Variants in SASH1 observed in about 807,000 individuals in gnomAD.
The protein encoded by SASH1 is SAM and SH3 domain-containing protein 1.
In SASH1, 44 loss-of-function variants were observed where a neutral mutation model predicts 125.2. The observed-to-expected ratio is 0.35, with a 90% confidence interval of 0.28 to 0.45. SASH1 has a LOEUF of 0.45. Among genes scored for constraint, SASH1 ranks in the 20% least tolerant of loss-of-function variants. The probability of loss-of-function intolerance (pLI) is 1.00; values close to 1 mark genes in which losing one functional copy is unlikely to be tolerated. For synonymous variants in SASH1, 639 were observed against 649.1 expected, an observed-to-expected ratio of 0.98 and a Z score of 0.24; for missense variants, 1,426 against 1,614.5, an observed-to-expected ratio of 0.88 and a Z score of 2.00.
Position 148,550,499 on chromosome 6 carries a change from T to A in SASH1, c.*1941T>A, listed in dbSNP as rs1334355566. ...TTTTTCATGCATTAGTATGCATTTT[T>A]AAAAAATAATGCATGTTTCTTTAAT... On this transcript the variant is annotated 3_prime_UTR_variant, in exon 20 of 20. Coordinates refer to ENST00000367467, the MANE Select transcript of SASH1 (RefSeq NM_015278.5). The A allele has an allele frequency of 1.3e-5, 2 of 152,238 alleles. No homozygotes were observed. Among genetic ancestry groups the A allele is most frequent in the African/African-American group, 2.4e-5 (1 of 41,466 alleles). 9.4% of individuals were successfully genotyped at this position (152,238 alleles called of 1,614,324 possible).
chr6:148,387,604 CT>C (rs1250052354), intron 1 of SASH1, among the ~76,000 whole-genome samples: 1 of 15,754 alleles, frequency 6.3e-5, no homozygotes. Flanking sequence ...TTCTTTCTTT[CT>C]TTCTTTCTTT....
At chr6:148,439,387 A>G (rs1285196857) in intron 2 of SASH1, among the ~76,000 whole-genome samples, 1 of 152,222 alleles carries the variant, frequency 6.6e-6, no homozygotes, top group Non-Finnish European at 1.5e-5. Context: ...AGTGATTTTT[A>G]AGGCTGCAAG....
At chr6:148,389,601 G>A (rs1249661342) in intron 1 of SASH1, among the ~76,000 whole-genome samples, 1 of 152,210 alleles carries the variant, frequency 6.6e-6, no homozygotes, top group East Asian at 1.9e-4. Flanking sequence ...TGTCCCAGAT[G>A]CAATTCTCTA....
the SASH1 span, among the ~76,000 whole-genome samples, chr6:148,200,829 TA>T: frequency 1.2e-4 from 18 of 152,226 alleles, no homozygotes; most frequent in African/African-American, 4.3e-4. Context: ...AGGGAAGCTT[TA>T]AAATTAATTT....
intron 10 of SASH1, among the ~76,000 whole-genome samples, chr6:148,521,366 G>C (rs868147104): frequency 1.3e-5 from 2 of 152,206 alleles, no homozygotes; most frequent in African/African-American, 2.4e-5. Flanking sequence ...TCATGAACAG[G>C]ATGTTCTTCC....
At chr6:148,408,373 T>C (rs1407396925) in intron 2 of SASH1, among the ~76,000 whole-genome samples, 1 of 151,890 alleles carries the variant, frequency 6.6e-6, no homozygotes, top group African/African-American at 2.4e-5. Context: ...CCCAGAGTGC[T>C]GGGATTACAG....
At chr6:148,492,476 GAGAA>G (rs1779146114) in intron 8 of SASH1, among the ~76,000 whole-genome samples, 1 of 152,180 alleles carries the variant, frequency 6.6e-6, no homozygotes, top group Non-Finnish European at 1.5e-5. Flanking sequence ...AAAGGAGAAA[GAGAA>G]AGGTCCTTTT....
At chr6:148,524,089 T>A (rs1353332259) in intron 10 of SASH1, among the ~76,000 whole-genome samples, 2 of 123,984 alleles carry the variant, frequency 1.6e-5, no homozygotes, top group African/African-American at 5.5e-5. Context: ...CTTTATCAAT[T>A]CAGTTAATTA....
intron 2 of SASH1, among the ~76,000 whole-genome samples, chr6:148,392,235 G>A (rs896498720): frequency 3.3e-5 from 5 of 149,662 alleles, no homozygotes; most frequent in East Asian, 2.0e-4. Context: ...GTGGTGAGCC[G>A]AGATCGCGCC....
intron 7 of SASH1, among the ~76,000 whole-genome samples, chr6:148,475,098 C>T (rs1038239617): frequency 3.3e-5 from 5 of 152,110 alleles, no homozygotes; most frequent in Non-Finnish European, 5.9e-5. Context: ...TAAGAGATTC[C>T]CTGCTTTGTT....
chr6:148,227,256 T>C, the SASH1 span, among the ~76,000 whole-genome samples: 1 of 152,192 alleles, frequency 6.6e-6, no homozygotes, highest in Non-Finnish European at 1.5e-5. Context: ...AGAAGGTAAA[T>C]TCCTGGAGAG....
intron 8 of SASH1, among the ~76,000 whole-genome samples, chr6:148,498,705 G>A (rs1779426114): frequency 6.6e-6 from 1 of 152,158 alleles, no homozygotes; most frequent in Non-Finnish European, 1.5e-5. Flanking sequence ...ACAGATATTT[G>A]TAATCTAATT....
At chr6:148,389,745 G>A (rs1339497279) in intron 1 of SASH1, among the ~76,000 whole-genome samples, 1 of 152,152 alleles carries the variant, frequency 6.6e-6, no homozygotes, top group Non-Finnish European at 1.5e-5. Flanking sequence ...CTCACACAGT[G>A]CCTTTGCTGA....
chr6:148,300,341 T>C (rs1203684051), intron 1 of SASH1, among the ~76,000 whole-genome samples: 1 of 152,014 alleles, frequency 6.6e-6, no homozygotes, highest in Non-Finnish European at 1.5e-5. Context: ...TTCCCCTCCG[T>C]AATATTCTCA....
chr6:148,527,640 A>G, intron 12 of SASH1, 44 bp downstream of exon 12: 3 of 1,576,652 alleles, frequency 1.9e-6, no homozygotes, highest in Non-Finnish European at 1.7e-6. Context: ...TCTTCCTGAC[A>G]AGAAAAGCTG....
At chr6:148,276,149 C>T (rs1481073427) in intron 1 of SASH1, among the ~76,000 whole-genome samples, 1 of 152,204 alleles carries the variant, frequency 6.6e-6, no homozygotes, top group Non-Finnish European at 1.5e-5. Flanking sequence ...AGTTAATTCT[C>T]TCTCCATTTT....
At chr6:148,386,486 A>G (rs1042862785) in intron 1 of SASH1, among the ~76,000 whole-genome samples, 10 of 152,148 alleles carry the variant, frequency 6.6e-5, no homozygotes, top group African/African-American at 2.4e-4. Context: ...ACCTCTGTGT[A>G]TAAGAGACAG....
chr6:148,315,763 G>A (rs1780465578), intron 1 of SASH1, among the ~76,000 whole-genome samples: 1 of 152,128 alleles, frequency 6.6e-6, no homozygotes, highest in Non-Finnish European at 1.5e-5. Flanking sequence ...AATTAGCTGG[G>A]TGTGGTGGTG....
Position 148,529,057 on chromosome 6 carries a change from G to A in SASH1, c.1428+1461G>A, listed in dbSNP as rs992422487. ...GCTCCTACGAGAATCTAATACCGCC[G>A]CTGATCTGACAGGAGGTGGAGCTCA... On this transcript the variant is annotated intron_variant, in intron 12 of 19. Coordinates refer to ENST00000367467, the MANE Select transcript of SASH1 (RefSeq NM_015278.5). This position sits in a 1 kb window ranked among gnomAD's most constrained non-coding sequence, Gnocchi z 4.2. Among the ~76,000 whole-genome samples the A allele has an allele frequency of 5.9e-5, 9 of 152,122 alleles. No individual in the cohort carries two copies. The highest frequency in any genetic ancestry group is 1.7e-4 in the African/African-American group (7 of 41,428).
Sources: gnomAD v4.1 joint callset for allele counts (sites outside exome capture counted in the v4.1 genomes callset) on GRCh38, gnomAD v4.1.1 for gene constraint, Gnocchi (gnomAD v3.1) non-coding constraint, MANE v1.5 for transcripts, NCBI Gene and HGNC (gene_info 2026-07-23, HGNC 2026-07-21) for gene names.